PRKN: variants seen among roughly 807,000 people sequenced by gnomAD.
PRKN encodes E3 ubiquitin-protein ligase parkin.
PRKN carries 56 observed loss-of-function variants against 59.5 expected under a neutral mutation model. The ratio of observed to expected loss-of-function variants is 0.94; its 90% confidence interval spans 0.76 to 1.18. The LOEUF is 1.18. PRKN is among the 50% of genes most tolerant of loss of function. The pLI is 0.00. For synonymous variants in PRKN, 250 were observed against 222.1 expected, an observed-to-expected ratio of 1.13 and a Z score of -1.12; for missense variants, 657 against 596.4, an observed-to-expected ratio of 1.10 and a Z score of -1.06.
chr6:162,672,429 A>C (rs1467355095), intron 1 of PRKN, among the ~76,000 whole-genome samples: 1 of 152,162 alleles, frequency 6.6e-6, no homozygotes, highest in African/African-American at 2.4e-5. Context: ...AAATAAATGA[A>C]CACTAGGATT....
intron 4 of PRKN, among the ~76,000 whole-genome samples, chr6:162,078,278 TC>T (rs1778918648): frequency 6.6e-6 from 1 of 152,078 alleles, no homozygotes. Context: ...TTCAGTTGTA[TC>T]CCATGGCTTC....
chr6:161,805,478 A>ACATG (rs1554310493), intron 6 of PRKN, among the ~76,000 whole-genome samples: 1,899 of 149,450 alleles, frequency 0.013, 18 homozygotes, highest in Non-Finnish European at 0.013. Context: ...ACACACACAC[A>ACATG]CATGCATGTA....
chr6:161,474,602 T>C (rs2115208441), intron 9 of PRKN, among the ~76,000 whole-genome samples: 1 of 152,200 alleles, frequency 6.6e-6, no homozygotes, highest in African/African-American at 2.4e-5. Flanking sequence ...CATTACTTTT[T>C]TTTTTTTTCG....
intron 1 of PRKN, among the ~76,000 whole-genome samples, chr6:162,490,620 T>C (rs1253498909): frequency 2.6e-5 from 4 of 152,192 alleles, no homozygotes; most frequent in Non-Finnish European, 4.4e-5. Flanking sequence ...TATTTGATAT[T>C]TCTAATAAAT....
At chr6:162,527,390 A>G (rs1483512677) in intron 1 of PRKN, among the ~76,000 whole-genome samples, 1 of 152,232 alleles carries the variant, frequency 6.6e-6, no homozygotes, top group Admixed American at 6.5e-5. Flanking sequence ...AAATAAGTAC[A>G]TTCGAGGATT....
chr6:161,717,620 T>C (rs1036702603), intron 7 of PRKN, among the ~76,000 whole-genome samples: 8 of 152,210 alleles, frequency 5.3e-5, no homozygotes, highest in Non-Finnish European at 4.4e-5. Context: ...GTGAATACTT[T>C]GATTCTTATT....
intron 7 of PRKN, among the ~76,000 whole-genome samples, chr6:161,661,719 G>A (rs1173907644): frequency 6.6e-6 from 1 of 152,162 alleles, no homozygotes; most frequent in East Asian, 1.9e-4. Flanking sequence ...GATACGTATT[G>A]AATAAATGTG....
chr6:161,605,284 T>C (rs2128144619), intron 7 of PRKN, among the ~76,000 whole-genome samples: 1 of 152,266 alleles, frequency 6.6e-6, no homozygotes, highest in Admixed American at 6.5e-5. Flanking sequence ...AGAAAACATA[T>C]ATACAGCTAT....
intron 3 of PRKN, among the ~76,000 whole-genome samples, chr6:162,260,510 T>C (rs1166311412): frequency 6.6e-6 from 1 of 152,168 alleles, no homozygotes; most frequent in Non-Finnish European, 1.5e-5. Flanking sequence ...AATACTATAT[T>C]TTCTTAAAAT....
chr6:161,938,459 T>C (rs1015280841), intron 6 of PRKN, among the ~76,000 whole-genome samples: 2 of 152,210 alleles, frequency 1.3e-5, no homozygotes, highest in Non-Finnish European at 2.9e-5. Flanking sequence ...CATTGTATGG[T>C]TCTAGATGGA....
intron 1 of PRKN, among the ~76,000 whole-genome samples, chr6:162,483,131 C>G (rs572397918): frequency 6.6e-6 from 1 of 152,124 alleles, no homozygotes; most frequent in Non-Finnish European, 1.5e-5. Context: ...AGAAGACAAA[C>G]ATAATGTGAA....
intron 1 of PRKN, chr6:162,569,776 G>C (rs982529368): frequency 2.4e-5 from 12 of 491,854 alleles, no homozygotes; most frequent in Non-Finnish European, 4.1e-5. Context: ...GGCTGCCCCA[G>C]AGCCTGGGAG....
At chr6:162,536,711 G>T (rs76233578) in intron 1 of PRKN, among the ~76,000 whole-genome samples, 3,567 of 152,062 alleles carry the variant, frequency 0.023, 151 homozygotes, top group African/African-American at 0.08. Flanking sequence ...CTCAAGCTCA[G>T]CTTGGTCCAT....
At chr6:161,920,523 G>C (rs541624158) in intron 6 of PRKN, among the ~76,000 whole-genome samples, 1 of 152,244 alleles carries the variant, frequency 6.6e-6, no homozygotes, top group African/African-American at 2.4e-5. Flanking sequence ...GGGCGCAGTG[G>C]CTCATGCCGG....
intron 9 of PRKN, among the ~76,000 whole-genome samples, chr6:161,435,760 T>C (rs974102239): frequency 6.7e-6 from 1 of 149,428 alleles, no homozygotes; most frequent in Admixed American, 6.7e-5. Flanking sequence ...TCCAGGCAGT[T>C]GTATTTATTT....
chr6:161,818,265 A>G (rs145916240), intron 6 of PRKN, among the ~76,000 whole-genome samples: 101 of 152,224 alleles, frequency 6.6e-4, no homozygotes, highest in Non-Finnish European at 1.2e-3. Flanking sequence ...ACTCAGTCCT[A>G]CTATCCTGAG....
intron 7 of PRKN, among the ~76,000 whole-genome samples, chr6:161,709,620 G>C (rs1286843349): frequency 3.9e-5 from 6 of 152,162 alleles, no homozygotes; most frequent in Non-Finnish European, 7.4e-5. Flanking sequence ...GTTAATAGCA[G>C]ATCATGAGAC....
chr6:161,705,050 AT>A (rs1462467270), intron 7 of PRKN, among the ~76,000 whole-genome samples: 3 of 152,180 alleles, frequency 2.0e-5, no homozygotes, highest in African/African-American at 7.2e-5. Context: ...ACAGGATGGA[AT>A]TCACTGGTGA....
rs536437257 is a variant in PRKN, at chr6:162,503,102, G to A, written c.8-59629C>T. The stretch of plus-strand genomic sequence containing the variant: ...TCATGTATTATTATTCCTCAATGGC[G>A]AATTTGGCACCCTACAGAAAATAGT... On this transcript the variant is annotated intron_variant, in intron 1 of 11. Coordinates refer to ENST00000366898, the MANE Select transcript of PRKN (RefSeq NM_004562.3). 4.1e-5 allele frequency among the ~76,000 whole-genome samples: 6 copies of A among 145,066 alleles called. No homozygotes were observed. The South Asian group carries it at 8.6e-4, about 21-fold the overall frequency.
Sources: gnomAD v4.1 joint callset for allele counts (sites outside exome capture counted in the v4.1 genomes callset) on GRCh38, gnomAD v4.1.1 for gene constraint, MANE v1.5 for transcripts, NCBI Gene and HGNC (gene_info 2026-07-23, HGNC 2026-07-21) for gene names.